BTD: variants seen among roughly 807,000 people sequenced by gnomAD.
The protein encoded by BTD is biocytinase.
In BTD, 13 loss-of-function variants were observed where a neutral mutation model predicts 17.7. The ratio of observed to expected loss-of-function variants is 0.74; its 90% CI spans 0.48 to 1.17. The LOEUF (loss-of-function observed/expected upper bound fraction) is 1.17, where lower values mean the gene tolerates loss of function less well. Among genes scored for constraint, BTD ranks in the 50% most tolerant of loss-of-function variants. BTD has a pLI of 0.00. For synonymous variants in BTD, 240 were observed against 245.2 expected, an observed-to-expected ratio of 0.98 and a Z score of 0.20; for missense variants, 674 against 650.4, an observed-to-expected ratio of 1.04 and a Z score of -0.39.
Position 15,635,608 on chromosome 3 carries a change from A to G in BTD, c.169A>G (p.Ile57Val), listed in dbSNP as rs767276700. The change falls in exon 2 of 4, where the codon ATC becomes GTC. Residue 57 changes from isoleucine to valine, a missense_variant. Transcript: ENST00000643237. The surrounding 1 kb of genome is among the most constrained non-coding windows in gnomAD (Gnocchi z 4.1). ...CCTGAGTCTGAACCCTCTGGCTCTC[A>G]TCAGCCGCCAAGAGGCCTTGGAGCT... ...SILSLNPLAL[I>V]SRQEALELMN... 1.2e-6 allele frequency: 2 copies of G among 1,614,134 alleles called. No homozygotes were observed. Among genetic ancestry groups the G allele is most frequent in the Non-Finnish European group, 1.7e-6 (2 of 1,179,944 alleles).
chr3:15,696,658 A>G (rs1436424842), intron 3 of BTD, among the ~76,000 whole-genome samples: 1 of 152,116 alleles, frequency 6.6e-6, no homozygotes, highest in Admixed American at 6.5e-5. Flanking sequence ...ATTTTTCATC[A>G]TGAAGCTCAA....
At chr3:15,704,956 T>G (rs2071156996) in intron 3 of BTD, among the ~76,000 whole-genome samples, 1 of 152,160 alleles carries the variant, frequency 6.6e-6, no homozygotes, top group Admixed American at 6.5e-5. Flanking sequence ...ACAGTCTCAT[T>G]TAGTTTTCCC....
At chr3:15,612,344 T>A (rs1408926061) in intron 1 of BTD, among the ~76,000 whole-genome samples, 1 of 152,210 alleles carries the variant, frequency 6.6e-6, no homozygotes, top group Non-Finnish European at 1.5e-5. Flanking sequence ...TCATACCTAT[T>A]ATCTGGTTTT....
intron 3 of BTD, chr3:15,678,299 G>A (rs2067169033): frequency 5.6e-6 from 9 of 1,613,078 alleles, no homozygotes; most frequent in Non-Finnish European, 6.8e-6. Flanking sequence ...TTATGGCTGA[G>A]CAGCAGCTGT....
At chr3:15,676,101 A>C (rs1324222794) in intron 3 of BTD, 12 of 748,196 alleles carry the variant, frequency 1.6e-5, no homozygotes, top group Non-Finnish European at 2.3e-5. Flanking sequence ...CAAGAGGTAC[A>C]AACTCGAGAA....
rs912691716 is a variant in BTD at position 15,651,434 on chromosome 3, C to T, written c.*5946C>T. ...CCAGAAAGGATAATGCACTACCCAGCGGCCAGCGACAGCAGGAGCTATGAG... is the reference window on the plus strand; with the variant it reads ...CCAGAAAGGATAATGCACTACCCAGTGGCCAGCGACAGCAGGAGCTATGAG... On this transcript the variant is annotated 3_prime_UTR_variant, in exon 4 of 4. Transcript: ENST00000643237. 7.9e-5 allele frequency among the ~76,000 whole-genome samples: 12 copies of T among 152,146 alleles called. No homozygotes were observed. The highest frequency in any genetic ancestry group is 2.2e-4 in the African/African-American group (9 of 41,432).
chr3:15,621,869 G>A (rs1411589868), intron 1 of BTD, among the ~76,000 whole-genome samples: 1 of 152,166 alleles, frequency 6.6e-6, no homozygotes, highest in Non-Finnish European at 1.5e-5. Context: ...CAAAGTGCTG[G>A]GATTACAGGC....
At position 15,644,907 on chromosome 3, in the gene BTD, A is replaced by G. The variant is rs2065649847; in HGVS notation, c.991A>G (p.Thr331Ala). 1 of 1,614,020 alleles carries G rather than the reference A, an allele frequency of 6.2e-7. No homozygotes were observed. Among genetic ancestry groups the G allele is most frequent in the African/African-American group, 1.3e-5 (1 of 74,912 alleles). Residue 331 changes from threonine (T) to alanine (A), a missense_variant, in exon 4 of 4, where the codon ACA becomes GCA. Coordinates refer to ENST00000643237, the MANE Select transcript of BTD (RefSeq NM_001370658.1). ...PVGLIGAENA[T>A]GETDPSHSKF... ...GGGTCTCATTGGTGCAGAGAATGCAACAGGTGAAACGGACCCATCCCATAG... is the reference window on the plus strand; with the variant it reads ...GGGTCTCATTGGTGCAGAGAATGCAGCAGGTGAAACGGACCCATCCCATAG...
chr3:15,641,788 GGTT>G (rs2065515999), intron 2 of BTD, 117 bp from the exon 3 acceptor site: 1 of 767,216 alleles, frequency 1.3e-6, no homozygotes, highest in Non-Finnish European at 2.3e-6. Context: ...CTGTGCCTCT[GGTT>G]CCTGCTACAG....
chr3:15,660,017 T>C (rs1003508823), intron 3 of BTD, among the ~76,000 whole-genome samples: 1 of 152,196 alleles, frequency 6.6e-6, no homozygotes, highest in African/African-American at 2.4e-5. Context: ...CAATGGAAAA[T>C]ATAAGCAAGA....
chr3:15,718,017 A>G (rs2073272911), intron 4 of BTD, among the ~76,000 whole-genome samples: 1 of 152,212 alleles, frequency 6.6e-6, no homozygotes. Flanking sequence ...TTAGTAAATC[A>G]AATTTTTATA....
At chr3:15,605,873 A>G (rs921611977) in intron 1 of BTD, among the ~76,000 whole-genome samples, 1 of 151,962 alleles carries the variant, frequency 6.6e-6, no homozygotes, top group African/African-American at 2.4e-5. Context: ...GTGAAACCCC[A>G]TCTCTGCTAA....
At chr3:15,618,928 A>G (rs922804402) in intron 1 of BTD, among the ~76,000 whole-genome samples, 5 of 152,236 alleles carry the variant, frequency 3.3e-5, no homozygotes, top group African/African-American at 1.2e-4. Context: ...CATTGGTATA[A>G]TAACTTATTA....
intron 1 of BTD, among the ~76,000 whole-genome samples, chr3:15,609,687 T>C (rs1256232933): frequency 6.6e-6 from 1 of 152,196 alleles, no homozygotes; most frequent in African/African-American, 2.4e-5. Flanking sequence ...ATATTGGCCA[T>C]GCGTGTTTCT....
chr3:15,618,302 A>T (rs1415173792), intron 1 of BTD, among the ~76,000 whole-genome samples: 7 of 152,162 alleles, frequency 4.6e-5, no homozygotes, highest in Non-Finnish European at 8.8e-5. Flanking sequence ...CTACAAAATA[A>T]CTTGTTGGGA....
chr3:15,718,365 C>G (rs2073317258), intron 4 of BTD, among the ~76,000 whole-genome samples: 1 of 152,092 alleles, frequency 6.6e-6, no homozygotes, highest in Admixed American at 6.5e-5. Flanking sequence ...TATCTTAATG[C>G]CTTTGCTAAA....
rs151091741 is a variant in BTD at position 15,642,221 on chromosome 3, A to T, written c.399+164A>T. 3.0e-3 allele frequency: 4,474 copies of T among 1,481,740 alleles called. 262 individuals are homozygous for T. The Admixed American group carries it at 0.097, about 32-fold the overall frequency. The allele number at this position is 1,481,740 out of a possible 1,614,324, so 91.8% of individuals were successfully genotyped here. ...CATGTGCCACATGTTCATTCCATTA[A>T]AGAATGTCTGACGTTACAAGGCAGT... is the stretch of plus-strand genomic sequence containing the variant. On this transcript the variant is annotated intron_variant, in intron 3 of 3. Coordinates refer to ENST00000643237, the MANE Select transcript of BTD (RefSeq NM_001370658.1).
At position 15,636,025 on chromosome 3, in the gene BTD, G is replaced by A. The variant is rs553402131; in HGVS notation, c.249+337G>A. ...ACTAGATCCCCAGTTCTCAAGTGTG[G>A]TTGTACATAAGAATCACGAGGTAAG... On this transcript the variant is annotated intron_variant, in intron 2 of 3. Coordinates refer to ENST00000643237, the MANE Select transcript of BTD (RefSeq NM_001370658.1). 6.6e-5 allele frequency among the ~76,000 whole-genome samples: 10 copies of A among 152,306 alleles called. No individual in the cohort carries two copies. In the East Asian group the frequency reaches 1.9e-3, roughly 29 times the overall value.
upstream of BTD, chr3:15,601,543 GCA>G: frequency 6.2e-7 from 1 of 1,605,254 alleles, no homozygotes; most frequent in Non-Finnish European, 8.5e-7. Flanking sequence ...GAAATCGGCA[GCA>G]CGCCACCTCT....
Sources: gnomAD v4.1 joint callset for allele counts (sites outside exome capture counted in the v4.1 genomes callset) on GRCh38, gnomAD v4.1.1 for gene constraint, Gnocchi (gnomAD v3.1) non-coding constraint, MANE v1.5 for transcripts, NCBI Gene and HGNC (gene_info 2026-07-23, HGNC 2026-07-21) for gene names.